The following GABPB1 variants were observed in gnomAD, a reference collection of about 807,000 sequenced individuals.
The protein encoded by GABPB1 is GA-binding protein subunit beta-1.
GABPB1 carries 15 observed loss-of-function variants against 45.9 expected under a neutral mutation model. That is an observed-to-expected ratio of 0.33 (90% confidence interval 0.22 to 0.50). The LOEUF is 0.50. Among genes scored for constraint, GABPB1 ranks in the 20% least tolerant of loss-of-function variants. The pLI is 0.98. For missense variants in GABPB1, 252 were observed against 457.5 expected, an observed-to-expected ratio of 0.55 and a Z score of 4.10; for synonymous variants, 143 against 154.4, an observed-to-expected ratio of 0.93 and a Z score of 0.55.
intron 8 of GABPB1, among the ~76,000 whole-genome samples, chr15:50,281,095 A>C (rs1162789727): frequency 6.6e-6 from 1 of 152,250 alleles, no homozygotes; most frequent in African/African-American, 2.4e-5. Flanking sequence ...AGGTGAAATA[A>C]AAAACTCATT....
At chr15:50,320,996 T>C (rs143200713) in intron 1 of GABPB1, among the ~76,000 whole-genome samples, 2 of 152,274 alleles carry the variant, frequency 1.3e-5, no homozygotes, top group East Asian at 1.9e-4. Flanking sequence ...AACTATAAAA[T>C]AATAAATTTA....
chr15:50,327,350 C>A (rs539222868), intron 1 of GABPB1: 1 of 152,336 alleles, frequency 6.6e-6, no homozygotes, highest in East Asian at 1.9e-4. Context: ...TCTGGTCTTA[C>A]ACACTCATTG....
At chr15:50,305,273 CCTATCTCT>C (rs932936995) in intron 2 of GABPB1, among the ~76,000 whole-genome samples, 2 of 123,412 alleles carry the variant, frequency 1.6e-5, no homozygotes, top group African/African-American at 5.3e-5. Flanking sequence ...GGTCCTTAGT[CCTATCTCT>C]CTATCTATCT....
intron 8 of GABPB1, among the ~76,000 whole-genome samples, chr15:50,282,915 C>T: frequency 6.6e-6 from 1 of 152,086 alleles, no homozygotes; most frequent in East Asian, 1.9e-4. Flanking sequence ...ATTACCCAGG[C>T]ATGGTGATGC....
intron 6 of GABPB1, 117 bp downstream of exon 6, chr15:50,300,672 T>TG (rs2046708172): frequency 6.2e-6 from 4 of 648,696 alleles, no homozygotes; most frequent in Non-Finnish European, 1.1e-5. Context: ...CTCAAACTCC[T>TG]GAGCTCAGGC....
intron 1 of GABPB1, among the ~76,000 whole-genome samples, chr15:50,348,405 C>A (rs941606997): frequency 6.6e-6 from 1 of 152,050 alleles, no homozygotes; most frequent in Admixed American, 6.5e-5. Context: ...AAGCACACAC[C>A]ACGTCTGGCT....
chr15:50,288,300 C>A (rs2046232664), intron 7 of GABPB1, among the ~76,000 whole-genome samples: 1 of 152,178 alleles, frequency 6.6e-6, no homozygotes, highest in Non-Finnish European at 1.5e-5. Flanking sequence ...AAGCAATCAT[C>A]CCACCTTAGC....
At chr15:50,305,319 TTTTGTTTG>T (rs137963442) in intron 2 of GABPB1, among the ~76,000 whole-genome samples, 2 of 150,740 alleles carry the variant, frequency 1.3e-5, no homozygotes, top group East Asian at 1.9e-4. Context: ...TAGATATATT[TTTTGTTTG>T]TTTGTTTGTT....
intron 1 of GABPB1, among the ~76,000 whole-genome samples, chr15:50,314,830 G>C (rs145199982): frequency 6.6e-6 from 1 of 152,186 alleles, no homozygotes; most frequent in African/African-American, 2.4e-5. Context: ...AATCTATTTT[G>C]TTTTGTTCAG....
chr15:50,302,351 A>C (rs1189345148), intron 4 of GABPB1, among the ~76,000 whole-genome samples: 1 of 152,098 alleles, frequency 6.6e-6, no homozygotes, highest in East Asian at 1.9e-4. Context: ...TAATAGAATA[A>C]AATGTCTAGG....
chr15:50,326,879 C>CCCCTGTTA (rs2047789645), intron 1 of GABPB1, among the ~76,000 whole-genome samples: 1 of 151,970 alleles, frequency 6.6e-6, no homozygotes, highest in Non-Finnish European at 1.5e-5. Context: ...TGATGAATTG[C>CCCCTGTTA]CCCTGTTATG....
chr15:50,291,696 G>C (rs1432566024), intron 6 of GABPB1, among the ~76,000 whole-genome samples: 1 of 151,656 alleles, frequency 6.6e-6, no homozygotes, highest in Non-Finnish European at 1.5e-5. Flanking sequence ...GAGGCAGGAT[G>C]ATCACTTGAG....
chr15:50,332,605 T>C (rs1455654072), intron 1 of GABPB1, among the ~76,000 whole-genome samples: 2 of 152,160 alleles, frequency 1.3e-5, no homozygotes, highest in African/African-American at 4.8e-5. Context: ...GGTTAAATAA[T>C]GTGATTGTTA....
At chr15:50,289,929 A>T (rs1333062125) in intron 6 of GABPB1, among the ~76,000 whole-genome samples, 1 of 151,868 alleles carries the variant, frequency 6.6e-6, no homozygotes, top group African/African-American at 2.4e-5. Context: ...GTACCACCAT[A>T]CCTGACTAGT....
chr15:50,347,169 T>C (rs2048621579), intron 1 of GABPB1, among the ~76,000 whole-genome samples: 1 of 152,016 alleles, frequency 6.6e-6, no homozygotes, highest in Non-Finnish European at 1.5e-5. Context: ...AGGCCCCATC[T>C]CCTAATGCCA....
chr15:50,281,224 C>A (rs185146282), intron 8 of GABPB1, among the ~76,000 whole-genome samples: 1 of 150,952 alleles, frequency 6.6e-6, no homozygotes, highest in Non-Finnish European at 1.5e-5. Context: ...ATTTTTTTTT[C>A]TTTTTGAGAC....
chr15:50,309,827 C>T (rs372529363), intron 1 of GABPB1, 29 bp from the exon 2 acceptor site: 29 of 1,294,208 alleles, frequency 2.2e-5, no homozygotes, highest in Non-Finnish European at 2.9e-5. Flanking sequence ...AACTGAACAT[C>T]AAAATCTCCA....
intron 6 of GABPB1, among the ~76,000 whole-genome samples, chr15:50,294,351 T>C (rs2046443225): frequency 6.6e-6 from 1 of 151,970 alleles, no homozygotes. Flanking sequence ...CCGTCTCTAC[T>C]AAAAATACAA....
At chr15:50,319,066 T>C (rs927092835) in intron 1 of GABPB1, among the ~76,000 whole-genome samples, 4 of 152,116 alleles carry the variant, frequency 2.6e-5, no homozygotes, top group African/African-American at 7.2e-5. Flanking sequence ...TCTTCCTAAG[T>C]AGAAAGTCAA....
Sources: gnomAD v4.1 joint callset for allele counts (sites outside exome capture counted in the v4.1 genomes callset) on GRCh38, gnomAD v4.1.1 for gene constraint, MANE v1.5 for transcripts, NCBI Gene and HGNC (gene_info 2026-07-23, HGNC 2026-07-21) for gene names.